The following FRMPD4 variants were observed in gnomAD, a reference collection of about 807,000 sequenced individuals.
The protein encoded by FRMPD4 is FERM and PDZ domain containing 4.
In FRMPD4, 22 loss-of-function variants were observed where a neutral mutation model predicts 94.1. The observed-to-expected ratio is 0.23, with a 90% CI of 0.17 to 0.33. The LOEUF (loss-of-function observed/expected upper bound fraction) is 0.33. Ranked by LOEUF, FRMPD4 falls within the 10% of genes least tolerant of loss-of-function variation. The pLI is 1.00. For missense variants in FRMPD4, 1,111 were observed against 1,339.9 expected (o/e 0.83, Z 2.67); for synonymous variants, 631 against 548.6 (o/e 1.15, Z -2.10).
chrX:12,325,564 A>T (rs1332995535), intron 1 of FRMPD4, among the ~76,000 whole-genome samples: 2 of 112,804 alleles, frequency 1.8e-5, no homozygotes, highest in Non-Finnish European at 3.7e-5. Context: ...AGCCAAGGAC[A>T]ATATGGAAAC....
chrX:12,511,857 C>G (rs1327883577), intron 2 of FRMPD4, among the ~76,000 whole-genome samples: 1 of 112,324 alleles, frequency 8.9e-6, no homozygotes, highest in African/African-American at 3.2e-5. Flanking sequence ...ATCAAATTGT[C>G]AAAAGTCAAA....
chrX:12,311,144 A>C (rs5979580), intron 1 of FRMPD4, among the ~76,000 whole-genome samples: 3,066 of 111,558 alleles, frequency 0.027, 107 homozygotes, highest in African/African-American at 0.096. Context: ...GGGCTTGCCA[A>C]GGCAGGGACT....
At chrX:11,857,323 G>A (rs1329573212) in intron 1 of FRMPD4, among the ~76,000 whole-genome samples, 1 of 111,403 alleles carries the variant, frequency 9.0e-6, no homozygotes, top group Non-Finnish European at 1.9e-5. Context: ...CAGAGCTACA[G>A]TAACCAAAAC....
At chrX:12,230,820 AT>A (rs1481921346) in intron 1 of FRMPD4, among the ~76,000 whole-genome samples, 1 of 97,286 alleles carries the variant, frequency 1.0e-5, no homozygotes, top group African/African-American at 3.8e-5. Flanking sequence ...CCTCCCGTCT[AT>A]TTTTTTCTAG....
intron 1 of FRMPD4, among the ~76,000 whole-genome samples, chrX:12,330,893 G>A (rs923748562): frequency 2.4e-4 from 27 of 111,973 alleles, no homozygotes; most frequent in African/African-American, 8.1e-4. Context: ...GCTATTCCCT[G>A]CAGAAGGAGC....
At chrX:11,823,889 C>T (rs1034456262) in intron 1 of FRMPD4, among the ~76,000 whole-genome samples, 5 of 111,697 alleles carry the variant, frequency 4.5e-5, no homozygotes, top group Non-Finnish European at 5.6e-5. Flanking sequence ...CATCCTTGCA[C>T]TGTACAAAAC....
At chrX:12,092,715 C>T (rs2055164679) in intron 3 of FRMPD4, among the ~76,000 whole-genome samples, 2 of 111,795 alleles carry the variant, frequency 1.8e-5, no homozygotes, top group African/African-American at 3.3e-5. Flanking sequence ...ATCCAACGAA[C>T]ATTACTGAGC....
chrX:12,572,194 A>G (rs1335653674), intron 2 of FRMPD4, among the ~76,000 whole-genome samples: 1 of 112,353 alleles, frequency 8.9e-6, no homozygotes, highest in Non-Finnish European at 1.9e-5. Context: ...CTGCAATAAC[A>G]AACGCTATTT....
intron 13 of FRMPD4, among the ~76,000 whole-genome samples, chrX:12,709,736 G>A (rs1370900423): frequency 1.8e-5 from 2 of 112,205 alleles, no homozygotes; most frequent in Non-Finnish European, 3.8e-5. Flanking sequence ...AACTTAACTA[G>A]TTAATGTTAA....
rs1360489451 is a variant in FRMPD4, at chrX:11,993,124, A to G, written c.95+115106A>G. Among the ~76,000 whole-genome samples the G allele has an allele frequency of 3.6e-5, 4 of 109,671 alleles. No individual in the cohort carries two copies. The Admixed American group carries it at 3.9e-4, about 11-fold the overall frequency. ...CCTTTTTAACTGGAGAGAATAGGTTATTTTTATATCTTTTTCTAAAACATT... is the reference window on the plus strand; with the variant it reads ...CCTTTTTAACTGGAGAGAATAGGTTGTTTTTATATCTTTTTCTAAAACATT... On this transcript the variant is annotated intron_variant, in intron 3 of 18. Coordinates refer to the FRMPD4 transcript ENST00000640291.
intron 4 of FRMPD4, among the ~76,000 whole-genome samples, chrX:12,627,929 A>G (rs1211404048): frequency 8.9e-6 from 1 of 112,341 alleles, no homozygotes. Context: ...TGGAACTACA[A>G]ATTTGCAAGT....
chrX:11,836,863 T>C (rs756731896), intron 1 of FRMPD4, among the ~76,000 whole-genome samples: 2 of 112,158 alleles, frequency 1.8e-5, no homozygotes, highest in African/African-American at 6.5e-5. Context: ...TTAAAAGTTC[T>C]ATTTCATTAT....
chrX:12,543,037 T>C, intron 2 of FRMPD4, among the ~76,000 whole-genome samples: 1 of 112,019 alleles, frequency 8.9e-6, no homozygotes, highest in Non-Finnish European at 1.9e-5. Flanking sequence ...GCTAGCCATA[T>C]GGAGAAAGCT....
chrX:12,052,338 G>C (rs553244750), intron 3 of FRMPD4, among the ~76,000 whole-genome samples: 1 of 111,772 alleles, frequency 8.9e-6, no homozygotes, highest in South Asian at 3.8e-4. Context: ...CCTAGAGCTT[G>C]CTATATTGAT....
intron 1 of FRMPD4, among the ~76,000 whole-genome samples, chrX:12,314,094 C>G (rs185382842): frequency 8.9e-6 from 1 of 112,403 alleles, no homozygotes; most frequent in East Asian, 2.8e-4. Flanking sequence ...GACATTGAAG[C>G]TTATATAGTT....
intron 1 of FRMPD4, among the ~76,000 whole-genome samples, chrX:12,265,835 AAAAC>A (rs1467909016): frequency 9.0e-6 from 1 of 110,555 alleles, no homozygotes; most frequent in African/African-American, 3.3e-5. Flanking sequence ...AAATCTATTT[AAAAC>A]AAACAAAAGC....
chrX:11,881,172 C>G (rs1026647069), intron 3 of FRMPD4, among the ~76,000 whole-genome samples: 2 of 112,415 alleles, frequency 1.8e-5, no homozygotes, highest in African/African-American at 6.5e-5. Flanking sequence ...TGTGGAACAA[C>G]TGGAACTCTC....
At chrX:12,107,482 A>G (rs937771598) in intron 3 of FRMPD4, among the ~76,000 whole-genome samples, 3 of 112,250 alleles carry the variant, frequency 2.7e-5, no homozygotes, top group African/African-American at 9.7e-5. Flanking sequence ...GATTGTAAAA[A>G]TCAGAGCGCC....
At chrX:12,201,291 A>T (rs1339695185) in intron 1 of FRMPD4, among the ~76,000 whole-genome samples, 1 of 112,488 alleles carries the variant, frequency 8.9e-6, no homozygotes, top group African/African-American at 3.2e-5. Context: ...AATCAGGAGG[A>T]AAAACACACT....
Sources: gnomAD v4.1 joint callset for allele counts (sites outside exome capture counted in the v4.1 genomes callset) on GRCh38, gnomAD v4.1.1 for gene constraint, MANE v1.5 for transcripts, NCBI Gene and HGNC (gene_info 2026-07-23, HGNC 2026-07-21) for gene names.